Variants in ROBO2 observed in about 807,000 individuals in gnomAD.
ROBO2 encodes roundabout guidance receptor 2.
ROBO2 carries 53 observed loss-of-function variants against 160.8 expected under a neutral mutation model. The ratio of observed to expected loss-of-function variants is 0.33; its 90% confidence interval spans 0.26 to 0.41. The LOEUF (loss-of-function observed/expected upper bound fraction) is 0.41, where lower values mean the gene tolerates loss of function less well. Ranked by LOEUF, ROBO2 falls within the 10% of genes least tolerant of loss-of-function variation. The probability of loss-of-function intolerance (pLI) is 1.00; values close to 1 mark genes in which losing one functional copy is unlikely to be tolerated. For synonymous variants in ROBO2, 664 were observed against 611.7 expected (o/e 1.09, Z -1.26); for missense variants, 1,577 against 1,722.4 (o/e 0.92, Z 1.49).
At chr3:76,693,608 C>G (rs2092862328) in intron 2 of ROBO2, among the ~76,000 whole-genome samples, 1 of 152,000 alleles carries the variant, frequency 6.6e-6, no homozygotes, top group Admixed American at 6.6e-5. Flanking sequence ...ACCAGCGAAG[C>G]CATGACATAG....
chr3:76,038,856 T>C (rs538217916), intron 2 of ROBO2, among the ~76,000 whole-genome samples: 2 of 151,938 alleles, frequency 1.3e-5, no homozygotes, highest in African/African-American at 4.8e-5. Flanking sequence ...TCTTACACTG[T>C]CAATAAATAA....
At chr3:77,388,593 T>A (rs570180825) in intron 2 of ROBO2, among the ~76,000 whole-genome samples, 9 of 152,244 alleles carry the variant, frequency 5.9e-5, no homozygotes, top group Non-Finnish European at 1.0e-4. Flanking sequence ...AATTTTCTAA[T>A]GTTTTTAATT....
intron 2 of ROBO2, among the ~76,000 whole-genome samples, chr3:76,976,222 C>T (rs937127540): frequency 2.0e-5 from 3 of 152,068 alleles, no homozygotes; most frequent in Non-Finnish European, 4.4e-5. Context: ...ATGTTGTTTT[C>T]CAGGTAAATA....
At chr3:76,482,762 G>A (rs2079280577) in intron 2 of ROBO2, among the ~76,000 whole-genome samples, 1 of 152,032 alleles carries the variant, frequency 6.6e-6, no homozygotes, top group African/African-American at 2.4e-5. Context: ...TGAAGCTTAT[G>A]GGTTATCTTC....
At chr3:76,825,975 G>GA (rs1343445167) in intron 2 of ROBO2, among the ~76,000 whole-genome samples, 2 of 150,748 alleles carry the variant, frequency 1.3e-5, no homozygotes, top group Non-Finnish European at 2.9e-5. Flanking sequence ...TAGGGAGCAG[G>GA]AAAAATCTGT....
chr3:76,827,937 G>A (rs1419042814), intron 2 of ROBO2, among the ~76,000 whole-genome samples: 1 of 152,072 alleles, frequency 6.6e-6, no homozygotes, highest in African/African-American at 2.4e-5. Context: ...GGACCATTAA[G>A]AAATCAGACT....
chr3:77,276,528 G>T (rs900133989), intron 2 of ROBO2, among the ~76,000 whole-genome samples: 3 of 152,164 alleles, frequency 2.0e-5, no homozygotes, highest in Non-Finnish European at 2.9e-5. Context: ...AGGACACATT[G>T]TCATGTGCTG....
chr3:77,455,369 A>T (rs2081521966), intron 2 of ROBO2, among the ~76,000 whole-genome samples: 3 of 152,204 alleles, frequency 2.0e-5, no homozygotes, highest in Admixed American at 2.0e-4. Context: ...TAAAAATATA[A>T]TCGCTGACAT....
chr3:77,563,107 T>A lies in ROBO2; in HGVS notation c.1520-60T>A, dbSNP rs967092177. 9 of 1,534,632 alleles carry A rather than the reference T, an allele frequency of 5.9e-6. No individual in the cohort carries two copies. In the African/African-American group the frequency reaches 1.2e-4, roughly 21 times the overall value. ...CCTTTAGTAGACTGCTTCCTTCTTT[T>A]AGGCAGTATTGTCAACTTATGCAAT... is the stretch of plus-strand genomic sequence containing the variant. On this transcript the variant is annotated intron_variant, in intron 10 of 25. Coordinates refer to ENST00000461745, the Ensembl canonical transcript of ROBO2.
At chr3:76,456,165 C>G (rs1367129864) in intron 2 of ROBO2, among the ~76,000 whole-genome samples, 1 of 152,106 alleles carries the variant, frequency 6.6e-6, no homozygotes, top group Non-Finnish European at 1.5e-5. Flanking sequence ...AGCAGGTGTT[C>G]CAATCTTGCC....
intron 2 of ROBO2, among the ~76,000 whole-genome samples, chr3:76,320,880 T>C (rs897705379): frequency 6.6e-6 from 1 of 152,198 alleles, no homozygotes; most frequent in Non-Finnish European, 1.5e-5. Context: ...CCTAAAGATG[T>C]TATGAAGGTA....
At chr3:76,728,809 A>G (rs1231854521) in intron 2 of ROBO2, among the ~76,000 whole-genome samples, 1 of 152,236 alleles carries the variant, frequency 6.6e-6, no homozygotes, top group African/African-American at 2.4e-5. Flanking sequence ...TACTGCTAAA[A>G]ATGTGCCAGA....
At position 76,094,490 on chromosome 3, in the gene ROBO2, T is replaced by TC. The variant is rs529954963; in HGVS notation, c.109+156890dup. Among the ~76,000 whole-genome samples the TC allele has an allele frequency of 3.9e-5, 6 of 152,314 alleles. No individual in the cohort carries two copies. In the East Asian group the frequency reaches 7.7e-4, roughly 20 times the overall value. ...TTGTGGGAGAAGGATGCCCTGAGAC[T>TC]CCATCTAGCAAGGAAAGAATTAAGT... On this transcript the variant is annotated intron_variant, in intron 2 of 26. Transcript: ENST00000487694.
At chr3:76,951,343 A>T (rs562635243) in intron 2 of ROBO2, among the ~76,000 whole-genome samples, 1 of 152,164 alleles carries the variant, frequency 6.6e-6, no homozygotes, top group Admixed American at 6.5e-5. Flanking sequence ...TATCTAACGG[A>T]TCTCTGTTTC....
In ROBO2 at chr3:77,632,249, C is replaced by A. The variant is rs1454898836; in HGVS notation, c.3761-2621C>A. 3 of 433,716 alleles carry A rather than the reference C, an allele frequency of 6.9e-6. No individual in the cohort carries two copies. The East Asian group carries it at 1.0e-4, about 15-fold the overall frequency. 26.9% of individuals were successfully genotyped at this position (433,716 alleles called of 1,614,324 possible). On this transcript the variant is annotated intron_variant, in intron 23 of 25. Transcript: ENST00000461745. ...AATGTAAGAGTTGAACAGTGCAGCA[C>A]ATGCTTTGCTTATGTGCTGCAAACA...
chr3:77,191,818 T>G (rs1050051484), intron 2 of ROBO2, among the ~76,000 whole-genome samples: 6 of 152,188 alleles, frequency 3.9e-5, no homozygotes, highest in African/African-American at 1.4e-4. Flanking sequence ...CTTAGTTTAT[T>G]TGAAAATCCT....
intron 19 of ROBO2, 34 bp from the exon 21 acceptor site, chr3:77,602,176 A>C: frequency 6.2e-7 from 1 of 1,613,252 alleles, no homozygotes; most frequent in Non-Finnish European, 8.5e-7. Flanking sequence ...CCGGTGCCTC[A>C]TTAAATTGTT....
intron 23 of ROBO2, among the ~76,000 whole-genome samples, chr3:77,628,098 AT>A (rs1004821559): frequency 7.9e-5 from 12 of 151,584 alleles, no homozygotes; most frequent in Admixed American, 1.3e-4. Context: ...TACATTTGAG[AT>A]TTTTTTTTGC....
intron 2 of ROBO2, among the ~76,000 whole-genome samples, chr3:76,114,607 G>T (rs942831395): frequency 6.6e-6 from 1 of 151,918 alleles, no homozygotes; most frequent in African/African-American, 2.4e-5. Flanking sequence ...CATTAAAGTG[G>T]TTATGTAATG....
Sources: gnomAD v4.1 joint callset for allele counts (sites outside exome capture counted in the v4.1 genomes callset) on GRCh38, gnomAD v4.1.1 for gene constraint, MANE v1.5 for transcripts, NCBI Gene and HGNC (gene_info 2026-07-23, HGNC 2026-07-21) for gene names.